SSX2IP: variants seen among roughly 807,000 people sequenced by gnomAD.
SSX2IP encodes the protein afadin- and alpha-actinin-binding protein.
Under a neutral mutation model 84.9 loss-of-function variants are expected in SSX2IP, and 55 were observed. That is an observed-to-expected ratio of 0.65 (90% CI 0.52 to 0.81). The LOEUF is 0.81. Ranked by LOEUF, SSX2IP falls within the 30% of genes least tolerant of loss-of-function variation. The pLI, the probability that SSX2IP is intolerant of heterozygous loss-of-function variation, is 0.00. For missense variants in SSX2IP, 664 were observed against 705.2 expected (o/e 0.94, Z 0.66); for synonymous variants, 239 against 234.7 (o/e 1.02, Z -0.17).
intron 3 of SSX2IP, 24 bp from the exon 4 acceptor site, chr1:84,669,917 A>T (rs543276379): frequency 4.4e-6 from 7 of 1,589,212 alleles, no homozygotes; most frequent in Middle Eastern, 1.7e-4. Context: ...ATGTTTTCTT[A>T]AAGTTGGTTA....
rs1652489358 is a variant in SSX2IP, at chr1:84,664,463, C to T, written c.627G>A (p.Lys209=). The change falls in exon 6 of 14, where the codon AAG becomes AAA. Residue 209 remains lysine (K), a synonymous_variant. Coordinates refer to ENST00000342203, the MANE Select transcript of SSX2IP (RefSeq NM_001166293.2). ...KRKEREYNKL[K]ERLHQLVMNK... is the part of the protein sequence containing the mutation. Reference sequence around the variant, plus strand: ...TCATAACAAGTTGATGTAGACGTTCCTTCAGTTTATTATATTCACGCTCTT... The same window carrying T: ...TCATAACAAGTTGATGTAGACGTTCTTTCAGTTTATTATATTCACGCTCTT... 6.2e-7 allele frequency: 1 copy of T among 1,602,396 alleles called. No homozygotes were observed. Among genetic ancestry groups the T allele is most frequent in the Non-Finnish European group, 8.5e-7 (1 of 1,175,922 alleles).
intron 4 of SSX2IP, among the ~76,000 whole-genome samples, chr1:84,666,459 A>T (rs1042135336): frequency 5.9e-5 from 9 of 152,180 alleles, no homozygotes; most frequent in Admixed American, 2.6e-4. Flanking sequence ...TTTTGTACAC[A>T]TATACAAAAG....
intron 1 of SSX2IP, among the ~76,000 whole-genome samples, chr1:84,672,420 A>G (rs75208566): frequency 2.0e-5 from 3 of 152,244 alleles, no homozygotes; most frequent in South Asian, 2.1e-4. Context: ...TAAAAAAAAA[A>G]AAAACTCTAT....
In SSX2IP at chr1:84,650,181, C is replaced by A. The variant is rs1650017072; in HGVS notation, c.1670+181G>T. On this transcript the variant is annotated intron_variant, in intron 13 of 13. Coordinates refer to ENST00000342203, the MANE Select transcript of SSX2IP (RefSeq NM_001166293.2). Reference sequence around the variant, plus strand: ...TACCTGTTCACTAGTGTATTTCCAGCATCTAGCACAGTGTCTATATATACT... The same window carrying A: ...TACCTGTTCACTAGTGTATTTCCAGAATCTAGCACAGTGTCTATATATACT... 4 of 638,266 alleles carry A rather than the reference C, an allele frequency of 6.3e-6. No individual in the cohort carries two copies. In the South Asian group the frequency reaches 7.6e-5, roughly 12 times the overall value. 39.5% of individuals were successfully genotyped at this position (638,266 alleles called of 1,614,324 possible).
intron 5 of SSX2IP, among the ~76,000 whole-genome samples, chr1:84,664,789 T>A (rs559735099): frequency 6.6e-6 from 1 of 152,150 alleles, no homozygotes; most frequent in African/African-American, 2.4e-5. Context: ...ACCTTACATA[T>A]AGACTCTGAT....
intron 9 of SSX2IP, 129 bp downstream of exon 9, chr1:84,658,189 G>A (rs534912787): frequency 1.1e-6 from 1 of 927,242 alleles, no homozygotes; most frequent in Admixed American, 2.6e-5. Flanking sequence ...GCAAAATCTT[G>A]CTTTCAAACC....
At chr1:84,648,418 T>TA (rs1649756494) in intron 13 of SSX2IP, among the ~76,000 whole-genome samples, 1 of 152,228 alleles carries the variant, frequency 6.6e-6, no homozygotes, top group Non-Finnish European at 1.5e-5. Flanking sequence ...TATATTTGTT[T>TA]ACATATATTT....
rs912669754 is a variant in SSX2IP at position 84,646,447 on chromosome 1, T to C, written c.*986A>G. 1 of 152,554 alleles carries C rather than the reference T, an allele frequency of 6.6e-6. No homozygotes were observed. Among genetic ancestry groups the C allele is most frequent in the Non-Finnish European group, 1.5e-5 (1 of 68,026 alleles). 9.5% of individuals were successfully genotyped at this position (152,554 alleles called of 1,614,324 possible). ...TGGTAAATACCTCATTAAAAAATTA[T>C]TAAAAAATTATTGACAATACAAAGC... On this transcript the variant is annotated 3_prime_UTR_variant, in exon 14 of 14. Coordinates refer to ENST00000342203, the MANE Select transcript of SSX2IP (RefSeq NM_001166293.2).
At position 84,645,646 on chromosome 1, in the gene SSX2IP, T is replaced by G. The variant is rs1177683451; in HGVS notation, c.*1787A>C. 2 of 152,230 alleles carry G rather than the reference T, an allele frequency of 1.3e-5. No homozygotes were observed. Among genetic ancestry groups the G allele is most frequent in the Non-Finnish European group, 2.9e-5 (2 of 68,038 alleles). 9.4% of individuals were successfully genotyped at this position (152,230 alleles called of 1,614,324 possible). A position where few individuals can be genotyped will look rare whatever the true frequency, so the allele number is the denominator to read the frequency against. On this transcript the variant is annotated 3_prime_UTR_variant, in exon 14 of 14. Coordinates refer to ENST00000342203, the MANE Select transcript of SSX2IP (RefSeq NM_001166293.2). Reference sequence around the variant, plus strand: ...CCCTCGGGGGAAAATTGTTGCCAAATGTATCCATTAACTGTATTTAAAATT... The same window carrying G: ...CCCTCGGGGGAAAATTGTTGCCAAAGGTATCCATTAACTGTATTTAAAATT...
At chr1:84,670,115 T>C (rs759773957) in intron 3 of SSX2IP, 8 of 371,668 alleles carry the variant, frequency 2.2e-5, no homozygotes, top group African/African-American at 6.2e-5. Flanking sequence ...ACTGAGCCAT[T>C]TCACAATGTG....
chr1:84,647,752 GA>G (rs56138762), intron 13 of SSX2IP, 145 bp from the exon 14 acceptor site: 55 of 261,668 alleles, frequency 2.1e-4, no homozygotes, highest in South Asian at 8.1e-4. Context: ...ATTTTACTTG[GA>G]AAAAAAAAAC....
chr1:84,683,461 G>A (rs1409958929), intron 1 of SSX2IP, among the ~76,000 whole-genome samples: 1 of 152,122 alleles, frequency 6.6e-6, no homozygotes, highest in Non-Finnish European at 1.5e-5. Context: ...ATATTGCCAG[G>A]CTTTCCCTGC....
chr1:84,662,776 G>C (rs1652221460), intron 6 of SSX2IP, among the ~76,000 whole-genome samples: 1 of 152,166 alleles, frequency 6.6e-6, no homozygotes, highest in South Asian at 2.1e-4. Flanking sequence ...CTACCAAAGA[G>C]TTGTTGAGAA....
Position 84,671,073 on chromosome 1 carries a change from CTT to C in SSX2IP, c.43+102_43+103del. 3 of 1,354,892 alleles carry C rather than the reference CTT, an allele frequency of 2.2e-6. No individual in the cohort carries two copies. The South Asian group carries it at 4.4e-5, about 20-fold the overall frequency. The allele number at this position is 1,354,892 out of a possible 1,614,324, so 83.9% of individuals were successfully genotyped here. On this transcript the variant is annotated intron_variant, in intron 2 of 13. Coordinates refer to ENST00000342203, the MANE Select transcript of SSX2IP (RefSeq NM_001166293.2). ...AAGTATTTTACAACGATTTGTCTCT[CTT>C]TAGTCACATCTTCAACATCTGCAGT...
intron 1 of SSX2IP, among the ~76,000 whole-genome samples, chr1:84,681,207 T>C (rs541649551): frequency 2.0e-5 from 3 of 152,330 alleles, no homozygotes; most frequent in Non-Finnish European, 4.4e-5. Context: ...ATCATACTTC[T>C]AGGCATATAA....
At position 84,643,826 on chromosome 1, in the gene SSX2IP, CAT is replaced by C. The variant is rs1649194508; in HGVS notation, c.*3605_*3606del. 2 of 152,130 alleles carry C rather than the reference CAT, an allele frequency of 1.3e-5. No individual in the cohort carries two copies. Among genetic ancestry groups the C allele is most frequent in the Non-Finnish European group, 2.9e-5 (2 of 68,024 alleles). The allele number at this position is 152,130 out of a possible 1,614,324, so 9.4% of individuals were successfully genotyped here. On this transcript the variant is annotated 3_prime_UTR_variant, in exon 14 of 14. Coordinates refer to ENST00000342203, the MANE Select transcript of SSX2IP (RefSeq NM_001166293.2). The stretch of plus-strand genomic sequence containing the variant: ...TGAGGTGGATCTTTATCAGGAGCTT[CAT>C]ATGTCACTGACATTACAGTACTTCC...
rs955286518 is a variant in SSX2IP at position 84,645,438 on chromosome 1, G to A, written c.*1995C>T. 1.1e-4 allele frequency: 17 copies of A among 152,242 alleles called. No homozygotes were observed. The highest frequency in any genetic ancestry group is 9.2e-4 in the Admixed American group (14 of 15,288). The allele number at this position is 152,242 out of a possible 1,614,324, so 9.4% of individuals were successfully genotyped here. A position where few individuals can be genotyped will look rare whatever the true frequency, so the allele number is the denominator to read the frequency against. On this transcript the variant is annotated 3_prime_UTR_variant, in exon 14 of 14. Transcript: ENST00000342203. The stretch of plus-strand genomic sequence containing the variant: ...TTCTTTCACACTTTAGATTTTAAAA[G>A]TACGTCTCAAGGAATCTTTCTTTCC...
At chr1:84,684,699 G>A (rs970775425) in intron 1 of SSX2IP, among the ~76,000 whole-genome samples, 1 of 152,050 alleles carries the variant, frequency 6.6e-6, no homozygotes, top group African/African-American at 2.4e-5. Context: ...TAGCACAAGA[G>A]TATCACCCTG....
At chr1:84,669,610 T>TA in intron 4 of SSX2IP, 71 bp downstream of exon 4, 1 of 1,257,998 alleles carries the variant, frequency 7.9e-7, no homozygotes, top group Non-Finnish European at 1.1e-6. Flanking sequence ...AAATATTTAA[T>TA]AAAGTCAGTA....
Sources: gnomAD v4.1 joint callset for allele counts (sites outside exome capture counted in the v4.1 genomes callset) on GRCh38, gnomAD v4.1.1 for gene constraint, MANE v1.5 for transcripts, NCBI Gene and HGNC (gene_info 2026-07-23, HGNC 2026-07-21) for gene names.